The following HEATR4 variants were observed in gnomAD, a reference collection of about 807,000 sequenced individuals.
The protein encoded by HEATR4 is HEAT repeat-containing protein 4.
In HEATR4, 95 loss-of-function variants were observed where a neutral mutation model predicts 108.8. That is an observed-to-expected ratio of 0.87 (90% CI 0.74 to 1.04). The LOEUF (loss-of-function observed/expected upper bound fraction) is 1.04. HEATR4 is among the 50% of genes least tolerant of loss of function. The pLI is 0.00. For missense variants in HEATR4, 1,152 were observed against 1,253.8 expected, an observed-to-expected ratio of 0.92 and a Z score of 1.23; for synonymous variants, 443 against 459.4, an observed-to-expected ratio of 0.96 and a Z score of 0.46.
chr14:73,580,164 C>A, the HEATR4 span, among the ~76,000 whole-genome samples: 1 of 152,012 alleles, frequency 6.6e-6, no homozygotes, highest in African/African-American at 2.4e-5. Context: ...GAGACAGGCT[C>A]TGGCCAGGCT....
chr14:73,520,682 C>A (rs932625398), intron 4 of HEATR4, 170 bp downstream of exon 4: 10 of 615,978 alleles, frequency 1.6e-5, no homozygotes, highest in Non-Finnish European at 2.9e-5. Flanking sequence ...TTAGTTATCA[C>A]TCCCCGACCC....
chr14:73,569,481 G>C, the HEATR4 span: 76 of 1,612,690 alleles, frequency 4.7e-5, no homozygotes, highest in Non-Finnish European at 6.3e-5. Flanking sequence ...GGACGAACCG[G>C]TGCGAATCGC....
the HEATR4 span, among the ~76,000 whole-genome samples, chr14:73,611,323 TTA>T: frequency 6.6e-6 from 1 of 152,204 alleles, no homozygotes; most frequent in African/African-American, 2.4e-5. Context: ...GTCAAGGGAC[TTA>T]TAGTCTCCTC....
At chr14:73,537,040 GTGGCATGATCT>G (rs1888883935) in intron 1 of HEATR4, 1 of 157,228 alleles carries the variant, frequency 6.4e-6, no homozygotes, top group Non-Finnish European at 1.2e-5. Context: ...CTGTAGTGCA[GTGGCATGATCT>G]TGGCCAACTG....
chr14:73,571,034 G>T, the HEATR4 span: 1 of 148,474 alleles, frequency 6.7e-6, no homozygotes, highest in African/African-American at 2.5e-5. Flanking sequence ...TTCCATGGCA[G>T]CTAGGAGGTG....
chr14:73,501,470 GT>G lies in HEATR4; in HGVS notation c.2106-741del, dbSNP rs1217973482. 2.0e-5 allele frequency among the ~76,000 whole-genome samples: 3 copies of G among 151,786 alleles called. No homozygotes were observed. In the East Asian group the frequency reaches 5.8e-4, roughly 29 times the overall value. ...GGGTCTTGCTATGTTGCCCAGGCTG[GT>G]CTTGAACTCCTGACCTCAAGTGATT... On this transcript the variant is annotated intron_variant, in intron 11 of 17. Transcript: ENST00000553558.
the HEATR4 span, among the ~76,000 whole-genome samples, chr14:73,601,885 G>A: frequency 2.0e-5 from 3 of 151,694 alleles, no homozygotes; most frequent in Non-Finnish European, 4.4e-5. Flanking sequence ...CTGACAAGGA[G>A]AGCTGGTTAT....
intron 14 of HEATR4, 36 bp downstream of exon 14, chr14:73,498,119 T>C: frequency 6.4e-7 from 1 of 1,565,776 alleles, no homozygotes; most frequent in African/African-American, 1.4e-5. Flanking sequence ...GTTGGCAGTA[T>C]AAGGTCATGG....
At chr14:73,521,197 A>G (rs1022245332) in intron 3 of HEATR4, among the ~76,000 whole-genome samples, 158 bp from the exon 4 acceptor site, 1 of 152,052 alleles carries the variant, frequency 6.6e-6, no homozygotes, top group Non-Finnish European at 1.5e-5. Flanking sequence ...CCTTGTCCCC[A>G]TGGTGCCAGT....
intron 17 of HEATR4, among the ~76,000 whole-genome samples, chr14:73,485,130 C>G (rs1255691243): frequency 6.6e-6 from 1 of 151,632 alleles, no homozygotes; most frequent in African/African-American, 2.4e-5. Flanking sequence ...CACCACTGCA[C>G]TCCAGCCTGG....
chr14:73,633,083 C>A, the HEATR4 span, among the ~76,000 whole-genome samples: 316 of 148,654 alleles, frequency 2.1e-3, 1 homozygote, highest in African/African-American at 7.8e-3. Context: ...CGGCTCACTG[C>A]AGCCTCCGCC....
Position 73,512,008 on chromosome 14 carries a change from G to A in HEATR4, c.1556C>T (p.Ser519Leu). 1 of 1,613,904 alleles carries A rather than the reference G, an allele frequency of 6.2e-7. No individual in the cohort carries two copies. ...RPRIATSQRD[S>L]DKTIQDLPEV... ...AGCAGTTCAGCTTTGGCTCTCACCT[G>A]AGTCTCTCTGGCTGGTGGCAATCCG... The change falls in exon 7 of 18, where the codon TCA becomes TTA. Residue 519 changes from serine (S) to leucine (L), a missense_variant and splice_region_variant. Transcript: ENST00000553558.
the HEATR4 span, among the ~76,000 whole-genome samples, chr14:73,606,338 A>G: frequency 6.6e-6 from 1 of 151,502 alleles, no homozygotes; most frequent in Non-Finnish European, 1.5e-5. Context: ...CCTGGGCAAC[A>G]AGAATGAAAC....
intron 1 of HEATR4, among the ~76,000 whole-genome samples, chr14:73,551,443 G>C (rs116546054): frequency 0.02 from 2,300 of 114,426 alleles, 557 homozygotes; most frequent in African/African-American, 0.061. Flanking sequence ...TGATCCACAG[G>C]TGTTAACATT....
In HEATR4 at chr14:73,509,566, G is replaced by C. The variant is rs1887072355; in HGVS notation, c.1559-93C>G. 2.3e-6 allele frequency: 3 copies of C among 1,297,714 alleles called. No homozygotes were observed. In the East Asian group the frequency reaches 7.0e-5, roughly 30 times the overall value. 80.4% of individuals were successfully genotyped at this position (1,297,714 alleles called of 1,614,324 possible). A position where few individuals can be genotyped will look rare whatever the true frequency, so the allele number is the denominator to read the frequency against. The stretch of plus-strand genomic sequence containing the variant: ...TACAGCCATGTGGTGGCCAACCTCA[G>C]TCCCAGCTGCAGTTGCTTAGTGCTA... On this transcript the variant is annotated intron_variant, in intron 7 of 17. Coordinates refer to ENST00000553558, the MANE Select transcript of HEATR4 (RefSeq NM_001220484.1).
rs369061780 is a variant in HEATR4 at position 73,512,063 on chromosome 14, T to C, written c.1501A>G (p.Thr501Ala). ...CGTTCCAAAGCAGCTGTGGCACATG[T>C]GGTGATAGCTTTGATCCGAACGTCA... The part of the protein sequence containing the change: ...HDDVRIKAIT[T>A]CATAALERPR... Residue 501 changes from threonine (T) to alanine (A), a missense_variant, in exon 7 of 18, where the codon ACA (threonine) becomes GCA (alanine). Thr to Ala is a moderately conservative substitution (Grantham distance 58). Transcript: ENST00000553558. 6.9e-5 allele frequency: 112 copies of C among 1,613,962 alleles called. No homozygotes were observed. In the Middle Eastern group the frequency reaches 1.2e-3, roughly 17 times the overall value.
In HEATR4 at chr14:73,545,041, T is replaced by C. The variant is rs1463206031; in HGVS notation, c.-152+13710A>G. Among the ~76,000 whole-genome samples, 11 of 113,746 alleles carry C rather than the reference T, an allele frequency of 9.7e-5. No homozygotes were observed. The Admixed American group carries it at 1.1e-3, about 11-fold the overall frequency. The allele number at this position is 113,746 out of a possible 152,430, so 74.6% of individuals were successfully genotyped here. A position where few individuals can be genotyped will look rare whatever the true frequency, so the allele number is the denominator to read the frequency against. ...TGTATTTAAAAGAAAAAAAAAACCT[T>C]AATTTATTATTATTTTCTTTCCTTT... is the stretch of plus-strand genomic sequence containing the variant. On this transcript the variant is annotated intron_variant, in intron 1 of 17. Transcript: ENST00000553558.
the HEATR4 span, among the ~76,000 whole-genome samples, chr14:73,633,460 A>G: frequency 6.6e-5 from 10 of 152,282 alleles, no homozygotes; most frequent in African/African-American, 2.4e-4. Context: ...ACTATTTTAT[A>G]GTTCAATTCA....
chr14:73,522,335 T>C lies in HEATR4; in HGVS notation c.818A>G (p.Gln273Arg). 6.2e-7 allele frequency: 1 copy of C among 1,614,228 alleles called. No individual in the cohort carries two copies. The highest frequency in any genetic ancestry group is 1.1e-5 in the South Asian group (1 of 91,088). The change falls in exon 3 of 18, where the codon CAA becomes CGA. Residue 273 changes from glutamine to arginine, a missense_variant. Physicochemically the swap from Gln to Arg is conservative, Grantham distance 43. Coordinates refer to ENST00000553558, the MANE Select transcript of HEATR4 (RefSeq NM_001220484.1). ...TTCCTGTGGGGGCAGGATGACACTT[T>C]GATCCTCAAACTCTGCTGTCTCTTC... Reference protein sequence around the residue: ...EAEETAEFEDQSVILPPQEKK... With the variant: ...EAEETAEFEDRSVILPPQEKK...
Sources: gnomAD v4.1 joint callset for allele counts (sites outside exome capture counted in the v4.1 genomes callset) on GRCh38, gnomAD v4.1.1 for gene constraint, MANE v1.5 for transcripts, NCBI Gene and HGNC (gene_info 2026-07-23, HGNC 2026-07-21) for gene names.